RIF1: variants seen among roughly 807,000 people sequenced by gnomAD.
RIF1 encodes replication timing regulatory factor 1.
In RIF1, 45 loss-of-function variants were observed where a neutral mutation model predicts 247.1. The observed-to-expected ratio is 0.18, with a 90% CI of 0.14 to 0.23. The LOEUF is 0.23. Among genes scored for constraint, RIF1 ranks in the 10% least tolerant of loss-of-function variants. RIF1 has a pLI of 1.00. For missense variants in RIF1, 2,967 were observed against 2,862.5 expected (o/e 1.04, Z -0.83); for synonymous variants, 1,087 against 978.8 (o/e 1.11, Z -2.06).
At chr2:151,456,993 C>T (rs768703598) in intron 23 of RIF1, among the ~76,000 whole-genome samples, 38 of 152,162 alleles carry the variant, frequency 2.5e-4, no homozygotes, top group Non-Finnish European at 3.4e-4. Flanking sequence ...CTCGGCTTCC[C>T]GAAGTGCTAA....
intron 30 of RIF1, 143 bp from the exon 31 acceptor site, chr2:151,467,857 C>G (rs936281441): frequency 3.0e-6 from 2 of 660,056 alleles, no homozygotes; most frequent in African/African-American, 3.6e-5. Context: ...AAGGCAGTCG[C>G]TAGGAACTGT....
chr2:151,520,881 A>T, the RIF1 span, among the ~76,000 whole-genome samples: 1 of 152,114 alleles, frequency 6.6e-6, no homozygotes, highest in African/African-American at 2.4e-5. Flanking sequence ...AAATAAGAGG[A>T]TTTATTTATA....
the RIF1 span, chr2:151,516,455 T>C: frequency 6.2e-7 from 1 of 1,600,016 alleles, no homozygotes; most frequent in African/African-American, 1.3e-5. Context: ...TTTTTTTGAC[T>C]TACCCCACTC....
intron 34 of RIF1, among the ~76,000 whole-genome samples, chr2:151,471,667 A>G (rs1352620215): frequency 6.6e-6 from 1 of 152,142 alleles, no homozygotes; most frequent in African/African-American, 2.4e-5. Context: ...TTTGTCAAAG[A>G]CCAGATGGTT....
At chr2:151,513,714 A>G in the RIF1 span, 2 of 1,513,730 alleles carry the variant, frequency 1.3e-6, no homozygotes, top group Non-Finnish European at 1.8e-6. Context: ...ATTAAAAGAA[A>G]AAAAAAAGGT....
At chr2:151,524,563 A>T in the RIF1 span, 1 of 1,608,978 alleles carries the variant, frequency 6.2e-7, no homozygotes, top group Non-Finnish European at 8.5e-7. Flanking sequence ...TGTCTGGTCG[A>T]TCAGCCACTG....
At chr2:151,420,905 T>C (rs1329468819) in intron 7 of RIF1, among the ~76,000 whole-genome samples, 1 of 152,154 alleles carries the variant, frequency 6.6e-6, no homozygotes, top group African/African-American at 2.4e-5. Flanking sequence ...AATCCAGACA[T>C]TTTACTTCAT....
rs1695010496 is a variant in RIF1, at chr2:151,455,356, CCTGTT to C, written c.2609+198_2609+202del. Among the ~76,000 whole-genome samples, 6 of 152,086 alleles carry C rather than the reference CCTGTT, an allele frequency of 3.9e-5. No individual in the cohort carries two copies. The South Asian group carries it at 1.2e-3, about 32-fold the overall frequency. On this transcript the variant is annotated intron_variant, in intron 22 of 35. Coordinates refer to ENST00000444746, the MANE Select transcript of RIF1 (RefSeq NM_018151.5). ...AGAGAGAAATTGGAAGTCTATTTTG[CCTGTT>C]ACTTCCCTTTCCCTTTGCTTTTCAA...
intron 10 of RIF1, chr2:151,497,078 T>G: frequency 6.5e-7 from 1 of 1,540,244 alleles, no homozygotes; most frequent in Non-Finnish European, 8.8e-7. Flanking sequence ...TGAGTAACAT[T>G]TCATTTGTTG....
intron 9 of RIF1, chr2:151,489,969 ACTCCAGCAGTAG>A: frequency 6.4e-7 from 1 of 1,566,610 alleles, no homozygotes. Flanking sequence ...TTATTCACTT[ACTCCAGCAGTAG>A]ATGGATGAGA....
rs1285103241 is a variant in RIF1, at chr2:151,481,108, G to C, written c.*6037G>C. 6.6e-6 allele frequency: 1 copy of C among 152,214 alleles called. No individual in the cohort carries two copies. Among genetic ancestry groups the C allele is most frequent in the Non-Finnish European group, 1.5e-5 (1 of 68,028 alleles). The allele number at this position is 152,214 out of a possible 1,614,324, so 9.4% of individuals were successfully genotyped here. A position where few individuals can be genotyped will look rare whatever the true frequency, so the allele number is the denominator to read the frequency against. Reference sequence around the variant, plus strand: ...TGGCTGAGTTTAGTAGTATAGCAGAGTCTGTATGGCTTCCAACAGTCAAAA... The same window carrying C: ...TGGCTGAGTTTAGTAGTATAGCAGACTCTGTATGGCTTCCAACAGTCAAAA... On this transcript the variant is annotated 3_prime_UTR_variant, in exon 36 of 36. Transcript: ENST00000444746.
At chr2:151,444,853 A>C (rs1325783962) in intron 18 of RIF1, among the ~76,000 whole-genome samples, 1 of 152,204 alleles carries the variant, frequency 6.6e-6, no homozygotes, top group East Asian at 1.9e-4. Flanking sequence ...ATTACAGCCA[A>C]CTGGTGACTT....
Position 151,456,557 on chromosome 2 carries a change from A to G in RIF1, c.2610-21A>G, listed in dbSNP as rs762475915. On this transcript the variant is annotated intron_variant, in intron 22 of 35. Transcript: ENST00000444746. Reference sequence around the variant, plus strand: ...GTTAACTTGCAGAAATATAAATGGTATTCTATTTTATCCTTCCTAGGCTTG... The same window carrying G: ...GTTAACTTGCAGAAATATAAATGGTGTTCTATTTTATCCTTCCTAGGCTTG... 1.3e-5 allele frequency: 18 copies of G among 1,364,180 alleles called. 1 individual carries two copies. In the East Asian group the frequency reaches 2.6e-4, roughly 19 times the overall value. 84.5% of individuals were successfully genotyped at this position (1,364,180 alleles called of 1,614,324 possible). A position where few individuals can be genotyped will look rare whatever the true frequency, so the allele number is the denominator to read the frequency against.
At position 151,465,138 on chromosome 2, in the gene RIF1, C is replaced by CA; in HGVS notation, c.5619dup (p.Gln1874ThrfsTer27). The CA allele has an allele frequency of 6.2e-7, 1 of 1,613,368 alleles. No individual in the cohort carries two copies. The highest frequency in any genetic ancestry group is 8.5e-7 in the Non-Finnish European group (1 of 1,179,842). On this transcript the variant is annotated frameshift_variant, in exon 30 of 36. Coordinates refer to ENST00000444746, the MANE Select transcript of RIF1 (RefSeq NM_018151.5). LOFTEE classifies it high-confidence loss of function. ...TGTTTAGGAGACTCGAAAAATGTTT[C>CA]ACAGGAATCTTTGGAGACAAAAGAA... is the stretch of plus-strand genomic sequence containing the variant.
At chr2:151,471,796 G>A (rs1388956780) in intron 34 of RIF1, among the ~76,000 whole-genome samples, 1 of 152,148 alleles carries the variant, frequency 6.6e-6, no homozygotes, top group Admixed American at 6.5e-5. Flanking sequence ...TTTGAAGTCA[G>A]GTAGCATGAT....
At chr2:151,432,154 G>T (rs577240154) in intron 9 of RIF1, among the ~76,000 whole-genome samples, 1 of 152,178 alleles carries the variant, frequency 6.6e-6, no homozygotes, top group East Asian at 1.9e-4. Flanking sequence ...TATTACAGGA[G>T]CCACCGCCAT....
chr2:151,469,307 T>C (rs547640666), intron 33 of RIF1, among the ~76,000 whole-genome samples: 1 of 152,200 alleles, frequency 6.6e-6, no homozygotes, highest in Non-Finnish European at 1.5e-5. Context: ...AACTGAATTA[T>C]CAAGCTGCCC....
In RIF1 at chr2:151,457,767, A is replaced by G; in HGVS notation, c.2659A>G (p.Lys887Glu). The G allele has an allele frequency of 6.2e-7, 1 of 1,613,420 alleles. No homozygotes were observed. The highest frequency in any genetic ancestry group is 8.5e-7 in the Non-Finnish European group (1 of 1,179,648). ...VYSCLNNKLE[K>E]LLGEIIACLQ... The stretch of plus-strand genomic sequence containing the variant: ...ATTTTTTCGTTTTTCCTAGTTAGAA[A>G]AGCTACTGGGAGAAATTATTGCTTG... Residue 887 changes from lysine (K) to glutamate (E), a missense_variant, in exon 24 of 36, where the codon AAG becomes GAG. This residue lies in a region of RIF1 where 2,028 missense variants were observed against 1,825.6 expected (regional missense o/e 1.11). Coordinates refer to ENST00000444746, the MANE Select transcript of RIF1 (RefSeq NM_018151.5).
In RIF1 at chr2:151,477,411, TGTA is replaced by T. The variant is rs2048981695; in HGVS notation, c.*2344_*2346del. ...AAACTAGTGGCATACAGGATTGTCA[TGTA>T]GTATCTTTTTTTTTTTTTGAGACAC... On this transcript the variant is annotated 3_prime_UTR_variant, in exon 36 of 36. Coordinates refer to ENST00000444746, the MANE Select transcript of RIF1 (RefSeq NM_018151.5). 4 of 152,214 alleles carry T rather than the reference TGTA, an allele frequency of 2.6e-5. No homozygotes were observed. Among genetic ancestry groups the T allele is most frequent in the African/African-American group, 7.2e-5 (3 of 41,536 alleles). 9.4% of individuals were successfully genotyped at this position (152,214 alleles called of 1,614,324 possible).
Sources: gnomAD v4.1 joint callset for allele counts (sites outside exome capture counted in the v4.1 genomes callset) on GRCh38, gnomAD v4.1.1 for gene constraint, gnomAD v4.1.1 regional missense constraint, MANE v1.5 for transcripts, NCBI Gene and HGNC (gene_info 2026-07-23, HGNC 2026-07-21) for gene names.